The following PTK2B variants were observed in gnomAD, a reference collection of about 807,000 sequenced individuals.
PTK2B encodes protein-tyrosine kinase 2-beta.
A neutral mutation model predicts 142.9 loss-of-function variants in PTK2B; 71 were observed. The observed-to-expected ratio is 0.50, with a 90% confidence interval of 0.41 to 0.61. PTK2B has a LOEUF of 0.61. Ranked by LOEUF, PTK2B falls within the 20% of genes least tolerant of loss-of-function variation. PTK2B has a pLI of 0.00. For synonymous variants in PTK2B, 519 were observed against 503.4 expected (o/e 1.03, Z -0.42); for missense variants, 1,105 against 1,320.4 (o/e 0.84, Z 2.53).
At chr8:27,397,494 G>T (rs1808122775) in intron 1 of PTK2B, 54 bp from the exon 2 acceptor site, 2 of 1,351,280 alleles carry the variant, frequency 1.5e-6, no homozygotes, top group Admixed American at 3.4e-5. Flanking sequence ...GGGCCATGAG[G>T]TATGTGGGCC....
chr8:27,336,193 T>C (rs1239555565), intron 1 of PTK2B, among the ~76,000 whole-genome samples: 1 of 152,326 alleles, frequency 6.6e-6, no homozygotes, highest in East Asian at 1.9e-4. Context: ...AAGATATGTG[T>C]AATTCTTACC....
At chr8:27,343,754 CT>C (rs1563204450) in intron 1 of PTK2B, among the ~76,000 whole-genome samples, 1 of 152,204 alleles carries the variant, frequency 6.6e-6, no homozygotes, top group African/African-American at 2.4e-5. Context: ...AATCCCAGCA[CT>C]TTTGGAGGCT....
chr8:27,374,716 A>C (rs1806564171), intron 1 of PTK2B, among the ~76,000 whole-genome samples: 1 of 152,196 alleles, frequency 6.6e-6, no homozygotes, highest in African/African-American at 2.4e-5. Context: ...TATGAAAGGC[A>C]GCTGTCAGAA....
chr8:27,439,527 G>A (rs967383712), intron 20 of PTK2B, 129 bp downstream of exon 20: 4 of 1,056,450 alleles, frequency 3.8e-6, no homozygotes, highest in Middle Eastern at 2.4e-4. Context: ...TTTTGCTGTG[G>A]CCACTGAGAA....
chr8:27,407,280 C>T (rs552678933), intron 2 of PTK2B, among the ~76,000 whole-genome samples: 2 of 152,296 alleles, frequency 1.3e-5, no homozygotes, highest in South Asian at 4.1e-4. Flanking sequence ...TATCCAGGCC[C>T]TGGGAACATA....
At chr8:27,316,685 G>A (rs1803102699) in intron 3 of PTK2B, among the ~76,000 whole-genome samples, 1 of 152,232 alleles carries the variant, frequency 6.6e-6, no homozygotes, top group Admixed American at 6.5e-5. Flanking sequence ...GTAGTCCGAT[G>A]TACCTTTACT....
Position 27,459,028 on chromosome 8 carries a change from T to TACGGCGACCACC in PTK2B, c.*519_*520insACGGCGACCACC. 1 of 260,626 alleles carries TACGGCGACCACC rather than the reference T, an allele frequency of 3.8e-6. No homozygotes were observed. Among genetic ancestry groups the TACGGCGACCACC allele is most frequent in the Non-Finnish European group, 7.5e-6 (1 of 133,048 alleles). The allele number at this position is 260,626 out of a possible 1,614,324, so 16.1% of individuals were successfully genotyped here. On this transcript the variant is annotated 3_prime_UTR_variant, in exon 31 of 31. Coordinates refer to ENST00000346049, the MANE Select transcript of PTK2B (RefSeq NM_173176.3). ...AGTGTATATTGAAATTTATTTAATG[T>TACGGCGACCACC]GAGTTTGGTCTGGACTGACAGCATG... is the stretch of plus-strand genomic sequence containing the variant.
At chr8:27,395,697 G>A (rs1476598121) in intron 1 of PTK2B, among the ~76,000 whole-genome samples, 3 of 152,114 alleles carry the variant, frequency 2.0e-5, no homozygotes, top group Non-Finnish European at 4.4e-5. Context: ...CTCTCTGGGT[G>A]GGGTCCATTC....
Position 27,390,119 on chromosome 8 carries a change from G to A in PTK2B, c.-37-7429G>A, listed in dbSNP as rs374241463. Among the ~76,000 whole-genome samples, 14 of 152,326 alleles carry A rather than the reference G, an allele frequency of 9.2e-5. No homozygotes were observed. The South Asian group carries it at 2.9e-3, about 32-fold the overall frequency. On this transcript the variant is annotated intron_variant, in intron 1 of 30. Coordinates refer to ENST00000346049, the MANE Select transcript of PTK2B (RefSeq NM_173176.3). ...GCTGCACTTGACTGTCTCCTGGGAAGCTTCCTTCCATGGACAGGCGCCTGT... is the reference window on the plus strand; with the variant it reads ...GCTGCACTTGACTGTCTCCTGGGAAACTTCCTTCCATGGACAGGCGCCTGT...
chr8:27,319,959 C>T (rs1453863411), intron 3 of PTK2B, among the ~76,000 whole-genome samples: 1 of 152,178 alleles, frequency 6.6e-6, no homozygotes, highest in East Asian at 1.9e-4. Context: ...TCCCCACCAA[C>T]AACTGATTGC....
chr8:27,422,177 T>G, intron 4 of PTK2B, 127 bp from the exon 5 acceptor site: 37 of 806,036 alleles, frequency 4.6e-5, no homozygotes, highest in Non-Finnish European at 6.1e-5. Flanking sequence ...GCTCCATGCT[T>G]GTTTGTGGTG....
At chr8:27,392,600 C>T (rs1324609516) in intron 1 of PTK2B, among the ~76,000 whole-genome samples, 2 of 152,090 alleles carry the variant, frequency 1.3e-5, no homozygotes, top group Admixed American at 6.6e-5. Flanking sequence ...TAGAGCCAGT[C>T]AGAAAATGAG....
At chr8:27,442,219 AATAT>A (rs1264429667) in intron 21 of PTK2B, among the ~76,000 whole-genome samples, 1 of 152,222 alleles carries the variant, frequency 6.6e-6, no homozygotes, top group Admixed American at 6.5e-5. Flanking sequence ...TACATAATAA[AATAT>A]ATACACACTT....
At chr8:27,404,489 C>G (rs1031215720) in intron 2 of PTK2B, among the ~76,000 whole-genome samples, 2 of 152,296 alleles carry the variant, frequency 1.3e-5, no homozygotes, top group Admixed American at 1.3e-4. Context: ...CTGCAGCCAT[C>G]CTGTGCCCTC....
chr8:27,441,177 C>T (rs1811138220), intron 21 of PTK2B, among the ~76,000 whole-genome samples: 1 of 152,158 alleles, frequency 6.6e-6, no homozygotes, highest in Non-Finnish European at 1.5e-5. Flanking sequence ...CAAAAACAGC[C>T]ACAGACAATA....
rs550667236 is a variant in PTK2B at position 27,411,830 on chromosome 8, C to T, written c.205-8065C>T. 6.8e-4 allele frequency among the ~76,000 whole-genome samples: 103 copies of T among 152,340 alleles called. 2 individuals are homozygous for T. Among genetic ancestry groups the T allele is most frequent in the African/African-American group, 2.2e-3 (91 of 41,578 alleles). On this transcript the variant is annotated intron_variant, in intron 2 of 30. Coordinates refer to ENST00000346049, the MANE Select transcript of PTK2B (RefSeq NM_173176.3). ...CACAAGACTCCCTCCCCTTACACCC[C>T]AATTGCAAGCTCCAGGATTCCTAGG... is the stretch of plus-strand genomic sequence containing the variant.
chr8:27,333,216 G>A (rs1586095636), intron 1 of PTK2B, among the ~76,000 whole-genome samples: 1 of 152,182 alleles, frequency 6.6e-6, no homozygotes, highest in African/African-American at 2.4e-5. Flanking sequence ...ACTCATTTTG[G>A]GTGGAACCAA....
At chr8:27,356,472 A>T (rs978712399) in intron 1 of PTK2B, among the ~76,000 whole-genome samples, 1 of 152,238 alleles carries the variant, frequency 6.6e-6, no homozygotes, top group Non-Finnish European at 1.5e-5. Flanking sequence ...CAATGAATTC[A>T]TGGAATGCAG....
At chr8:27,411,233 T>C (rs3757908) in intron 2 of PTK2B, among the ~76,000 whole-genome samples, 130,827 of 152,164 alleles carry the variant, frequency 0.86, 57,054 homozygotes, top group African/African-American at 0.97. Context: ...TTGCTGCCCC[T>C]ACTGTTTGCT....
Sources: gnomAD v4.1 joint callset for allele counts (sites outside exome capture counted in the v4.1 genomes callset) on GRCh38, gnomAD v4.1.1 for gene constraint, MANE v1.5 for transcripts, NCBI Gene and HGNC (gene_info 2026-07-23, HGNC 2026-07-21) for gene names.